The following PLCB4 variants were observed in gnomAD, a reference collection of about 807,000 sequenced individuals.
PLCB4 encodes the protein phospholipase C beta 4.
PLCB4 carries 77 observed loss-of-function variants against 178.8 expected under a neutral mutation model. The observed-to-expected ratio is 0.43, with a 90% confidence interval of 0.36 to 0.52. The LOEUF is 0.52. PLCB4 is among the 20% of genes least tolerant of loss of function. The pLI is 0.00. For synonymous variants in PLCB4, 496 were observed against 490.8 expected (o/e 1.01, Z -0.14); for missense variants, 1,024 against 1,453.4 (o/e 0.70, Z 4.80).
chr20:9,384,779 G>C (rs1368945380), intron 14 of PLCB4, among the ~76,000 whole-genome samples: 2 of 151,456 alleles, frequency 1.3e-5, no homozygotes, highest in African/African-American at 4.9e-5. Flanking sequence ...ATTGATTATA[G>C]GCACTTGTAA....
intron 1 of PLCB4, among the ~76,000 whole-genome samples, chr20:9,089,448 G>A (rs1433836897): frequency 6.6e-6 from 1 of 152,002 alleles, no homozygotes; most frequent in Non-Finnish European, 1.5e-5. Context: ...ATAATAGGTG[G>A]TAACCAATAT....
chr20:9,192,135 G>T (rs1473727289), intron 2 of PLCB4, among the ~76,000 whole-genome samples: 1 of 152,150 alleles, frequency 6.6e-6, no homozygotes, highest in Non-Finnish European at 1.5e-5. Context: ...GGTAATTGCA[G>T]TCTTGGAGTT....
At chr20:9,396,956 T>C (rs2038634856) in intron 19 of PLCB4, among the ~76,000 whole-genome samples, 1 of 152,216 alleles carries the variant, frequency 6.6e-6, no homozygotes, top group African/African-American at 2.4e-5. Context: ...GGGTTGGCTG[T>C]GGTAATTTTT....
intron 2 of PLCB4, among the ~76,000 whole-genome samples, chr20:9,179,708 CTT>C (rs1437755692): frequency 6.6e-6 from 1 of 152,122 alleles, no homozygotes. Context: ...ATTTTAGCCT[CTT>C]TGAGTACATG....
chr20:9,399,640 T>C (rs1489045521), intron 19 of PLCB4, among the ~76,000 whole-genome samples: 1 of 152,174 alleles, frequency 6.6e-6, no homozygotes, highest in Non-Finnish European at 1.5e-5. Flanking sequence ...AAATTGTATG[T>C]GGTTATAGGT....
chr20:9,359,157 C>T (rs2035100751), intron 7 of PLCB4, among the ~76,000 whole-genome samples: 1 of 152,160 alleles, frequency 6.6e-6, no homozygotes, highest in Admixed American at 6.5e-5. Flanking sequence ...GTATCTGTGT[C>T]TCTCTACGTT....
chr20:9,148,431 G>T (rs1027883146), intron 2 of PLCB4, among the ~76,000 whole-genome samples: 1 of 152,172 alleles, frequency 6.6e-6, no homozygotes, highest in Non-Finnish European at 1.5e-5. Context: ...AAAGGGCAAA[G>T]GGTAAGGATA....
chr20:9,286,377 G>C, intron 3 of PLCB4, among the ~76,000 whole-genome samples: 1 of 151,942 alleles, frequency 6.6e-6, no homozygotes. Context: ...GGTGGTTATG[G>C]GTATAGTGGA....
intron 15 of PLCB4, among the ~76,000 whole-genome samples, chr20:9,389,384 A>C (rs1222244695): frequency 6.6e-6 from 1 of 152,158 alleles, no homozygotes; most frequent in Non-Finnish European, 1.5e-5. Context: ...GGTCTACATC[A>C]AGTTAATGAA....
chr20:9,092,259 T>C (rs988552318), intron 1 of PLCB4, among the ~76,000 whole-genome samples: 4 of 152,222 alleles, frequency 2.6e-5, no homozygotes, highest in Non-Finnish European at 5.9e-5. Context: ...TTTGTCATCA[T>C]TCCGTTTTGC....
At chr20:9,137,326 A>G (rs1341397394) in intron 2 of PLCB4, among the ~76,000 whole-genome samples, 1 of 152,116 alleles carries the variant, frequency 6.6e-6, no homozygotes, top group African/African-American at 2.4e-5. Flanking sequence ...TGAAACAGCT[A>G]GAGATGTTAT....
At chr20:9,302,330 G>A (rs7265535) in intron 3 of PLCB4, among the ~76,000 whole-genome samples, 24,948 of 151,930 alleles carry the variant, frequency 0.16, 3,737 homozygotes, top group African/African-American at 0.4. Flanking sequence ...GTGTACCTTC[G>A]TTTGTTCCCA....
At position 9,393,628 on chromosome 20, in the gene PLCB4, A is replaced by G. The variant is rs142617224; in HGVS notation, c.1364A>G (p.Lys455Arg). The G allele has an allele frequency of 2.7e-3, 4,427 of 1,613,700 alleles. 10 individuals are homozygous for G. The highest frequency in any genetic ancestry group is 3.4e-3 in the Non-Finnish European group (3,981 of 1,179,622). The change falls in exon 18 of 40, where the codon AAA (lysine) becomes AGA (arginine). Residue 455 changes from lysine to arginine, a missense_variant. Physicochemically the swap from Lys to Arg is conservative, Grantham distance 26. Transcript: ENST00000378473. Reference sequence around the variant, plus strand: ...GCTTTGCCATCCCCCAATGACCTCAAAAGAAAAATACTCATAAAAAACAAG... The same window carrying G: ...GCTTTGCCATCCCCCAATGACCTCAGAAGAAAAATACTCATAAAAAACAAG... ...GRALPSPNDL[K>R]RKILIKNKRL...
intron 1 of PLCB4, among the ~76,000 whole-genome samples, chr20:9,089,856 T>C (rs6516434): frequency 0.13 from 19,533 of 152,206 alleles, 1,302 homozygotes; most frequent in Middle Eastern, 0.2. Flanking sequence ...TAGCAGTTAA[T>C]GTGGACCTCA....
chr20:9,302,662 A>T (rs1025073471), intron 3 of PLCB4, among the ~76,000 whole-genome samples: 5 of 152,066 alleles, frequency 3.3e-5, no homozygotes, highest in Non-Finnish European at 7.4e-5. Context: ...GGTCAAAATT[A>T]CCCTCCTCCT....
At chr20:9,234,604 A>G (rs2093972373) in intron 3 of PLCB4, among the ~76,000 whole-genome samples, 1 of 152,182 alleles carries the variant, frequency 6.6e-6, no homozygotes, top group Non-Finnish European at 1.5e-5. Flanking sequence ...TGATGGAGTC[A>G]GAAAAGTGAT....
intron 2 of PLCB4, among the ~76,000 whole-genome samples, chr20:9,186,675 C>CT (rs2093333442): frequency 6.6e-6 from 1 of 152,198 alleles, no homozygotes; most frequent in African/African-American, 2.4e-5. Flanking sequence ...GCCTCTTCTC[C>CT]TTTCCAGTGG....
intron 19 of PLCB4, among the ~76,000 whole-genome samples, chr20:9,400,133 G>A (rs982120769): frequency 3.3e-5 from 5 of 151,724 alleles, no homozygotes; most frequent in Admixed American, 6.6e-5. Flanking sequence ...TTTTTTAATC[G>A]TCTGCCTCTA....
intron 9 of PLCB4, among the ~76,000 whole-genome samples, chr20:9,366,206 G>A (rs76590836): frequency 1.3e-5 from 2 of 151,818 alleles, no homozygotes; most frequent in Non-Finnish European, 2.9e-5. Context: ...TGCTAACACA[G>A]TGAAACTCCG....
Sources: gnomAD v4.1 joint callset for allele counts (sites outside exome capture counted in the v4.1 genomes callset) on GRCh38, gnomAD v4.1.1 for gene constraint, MANE v1.5 for transcripts, NCBI Gene and HGNC (gene_info 2026-07-23, HGNC 2026-07-21) for gene names.